Variants in SH3RF2 observed in about 807,000 individuals in gnomAD.
SH3RF2 encodes the protein E3 ubiquitin-protein ligase SH3RF2.
In SH3RF2, 43 loss-of-function variants were observed where a neutral mutation model predicts 59.0. That is an observed-to-expected ratio of 0.73 (90% CI 0.57 to 0.94). The LOEUF is 0.94. SH3RF2 is among the 40% of genes least tolerant of loss of function. The pLI is 0.00. For synonymous variants in SH3RF2, 391 were observed against 391.5 expected (o/e 1.00, Z 0.01); for missense variants, 930 against 940.1 (o/e 0.99, Z 0.14).
exon 10 of SH3RF2, chr5:146,080,396 A>C (rs1763403610): frequency 6.6e-6 from 1 of 152,178 alleles, no homozygotes; most frequent in African/African-American, 2.4e-5. Flanking sequence ...AGTGTTTTTA[A>C]TAGACCAAAG....
At chr5:145,991,823 AAAAG>A (rs909547503) in intron 2 of SH3RF2, among the ~76,000 whole-genome samples, 28 of 152,358 alleles carry the variant, frequency 1.8e-4, no homozygotes, top group African/African-American at 6.3e-4. Flanking sequence ...CAGAAAAAAG[AAAAG>A]AAAGAAAGAA....
chr5:146,072,326 C>A (rs193015961), intron 9 of SH3RF2, among the ~76,000 whole-genome samples: 1 of 152,256 alleles, frequency 6.6e-6, no homozygotes, highest in East Asian at 1.9e-4. Context: ...GAGAAGTTTG[C>A]AGGATGACAT....
intron 2 of SH3RF2, among the ~76,000 whole-genome samples, chr5:145,940,187 G>C (rs1432766): frequency 0.21 from 32,308 of 152,012 alleles, 4,917 homozygotes; most frequent in African/African-American, 0.42. Flanking sequence ...CAAGTCCTGT[G>C]GTGAGGCTGA....
chr5:145,948,948 C>A (rs990893347), intron 2 of SH3RF2, among the ~76,000 whole-genome samples: 2 of 152,222 alleles, frequency 1.3e-5, no homozygotes, highest in Middle Eastern at 3.2e-3. Flanking sequence ...AATCAGCATT[C>A]ATTAAATACT....
chr5:145,984,147 G>A (rs1208074538), intron 2 of SH3RF2, among the ~76,000 whole-genome samples: 1 of 152,088 alleles, frequency 6.6e-6, no homozygotes, highest in African/African-American at 2.4e-5. Context: ...CAGGTATTGT[G>A]TATGTCTCAT....
chr5:146,064,783 G>GGAAGGAAA (rs1763042981), downstream of SH3RF2, among the ~76,000 whole-genome samples: 2 of 16,784 alleles, frequency 1.2e-4, no homozygotes, highest in Non-Finnish European at 2.4e-4. Context: ...AGGAAAGGAA[G>GGAAGGAAA]GAAGGAAGGA....
At chr5:146,047,155 G>A (rs573407721) in intron 5 of SH3RF2, among the ~76,000 whole-genome samples, 3 of 56,090 alleles carry the variant, frequency 5.3e-5, no homozygotes, top group South Asian at 4.2e-4. Context: ...TTGGATAGGC[G>A]TGTGTGTGTG....
At chr5:146,031,139 G>C (rs761833591) in intron 5 of SH3RF2, among the ~76,000 whole-genome samples, 3 of 152,166 alleles carry the variant, frequency 2.0e-5, no homozygotes, top group Non-Finnish European at 4.4e-5. Context: ...TGGATGCCTG[G>C]GAGGACACCA....
At chr5:146,008,503 CTCTAAGTCATTGT>C (rs1173548492) in intron 4 of SH3RF2, among the ~76,000 whole-genome samples, 1 of 152,192 alleles carries the variant, frequency 6.6e-6, no homozygotes, top group Non-Finnish European at 1.5e-5. Context: ...GTCCTGGGGC[CTCTAAGTCATTGT>C]TCCTAGTTCA....
At chr5:146,011,396 G>GT (rs1760891147) in intron 4 of SH3RF2, among the ~76,000 whole-genome samples, 1 of 152,132 alleles carries the variant, frequency 6.6e-6, no homozygotes, top group Non-Finnish European at 1.5e-5. Context: ...CTTTACAGTA[G>GT]TTTTTAAAAA....
At chr5:146,066,350 T>A (rs1763106010), downstream of SH3RF2, among the ~76,000 whole-genome samples, 1 of 152,194 alleles carries the variant, frequency 6.6e-6, no homozygotes, top group African/African-American at 2.4e-5. Context: ...TTACTTAATC[T>A]CTCAGAGCCT....
intron 2 of SH3RF2, among the ~76,000 whole-genome samples, chr5:145,976,460 G>C (rs547322240): frequency 6.6e-6 from 1 of 151,626 alleles, no homozygotes; most frequent in East Asian, 1.9e-4. Flanking sequence ...AAAAAAAGGT[G>C]GGGGGCGGGT....
intron 2 of SH3RF2, among the ~76,000 whole-genome samples, chr5:145,961,790 T>C (rs17491399): frequency 0.12 from 18,354 of 152,256 alleles, 1,281 homozygotes; most frequent in Middle Eastern, 0.18. Flanking sequence ...ATCTGCTCTA[T>C]TGTAGGAAGA....
chr5:146,020,297 C>T (rs747723235), intron 5 of SH3RF2, among the ~76,000 whole-genome samples: 2 of 152,192 alleles, frequency 1.3e-5, no homozygotes, highest in Non-Finnish European at 2.9e-5. Flanking sequence ...GACACACACA[C>T]GTGCATACAC....
At chr5:146,048,380 TAGAA>T (rs1257418662) in intron 6 of SH3RF2, among the ~76,000 whole-genome samples, 1 of 151,776 alleles carries the variant, frequency 6.6e-6, no homozygotes, top group Non-Finnish European at 1.5e-5. Flanking sequence ...TTTACAAAAG[TAGAA>T]AGAGACTGGA....
chr5:145,937,789 ATTTTT>A, intron 1 of SH3RF2, 29 bp from the exon 2 acceptor site: 1 of 962,924 alleles, frequency 1.0e-6, no homozygotes, highest in Admixed American at 2.4e-5. Context: ...GAGCAGTCAC[ATTTTT>A]TTTTCTCTCC....
chr5:145,965,287 T>C (rs1468760125), intron 2 of SH3RF2, among the ~76,000 whole-genome samples: 1 of 152,186 alleles, frequency 6.6e-6, no homozygotes, highest in Admixed American at 6.5e-5. Context: ...TGGCACGGCC[T>C]GTTTTGTCAA....
intron 2 of SH3RF2, among the ~76,000 whole-genome samples, chr5:145,990,440 G>T (rs1580821555): frequency 6.6e-6 from 1 of 152,188 alleles, no homozygotes; most frequent in South Asian, 2.1e-4. Context: ...TGTGCTGAGG[G>T]TTTGGGATAT....
Position 146,004,118 on chromosome 5 carries a change from G to C in SH3RF2, c.709G>C (p.Asp237His). 1.9e-6 allele frequency: 3 copies of C among 1,613,042 alleles called. No individual in the cohort carries two copies. Among genetic ancestry groups the C allele is most frequent in the Non-Finnish European group, 2.5e-6 (3 of 1,179,194 alleles). Residue 237 changes from aspartate (D) to histidine (H), a missense_variant, in exon 4 of 10, where the codon GAT (aspartate) becomes CAT (histidine). Transcript: ENST00000359120. The stretch of plus-strand genomic sequence containing the variant: ...GAACTGGGCAGAAGGCAAGTTAGGA[G>C]ATAAAGTAGGCATCTTCCCTATCTT... ...DENWAEGKLG[D>H]KVGIFPILFV...
Sources: allele counts gnomAD v4.1 joint callset (sites outside exome capture counted in the v4.1 genomes callset), GRCh38; gene constraint gnomAD v4.1.1; transcripts MANE v1.5; gene names NCBI Gene and HGNC (gene_info 2026-07-23, HGNC 2026-07-21).